CADPS2: variants seen among roughly 807,000 people sequenced by gnomAD.
CADPS2 encodes calcium-dependent secretion activator 2.
A neutral mutation model predicts 172.5 loss-of-function variants in CADPS2; 93 were observed. The ratio of observed to expected loss-of-function variants is 0.54; its 90% confidence interval spans 0.46 to 0.64. CADPS2 has a LOEUF of 0.64. Among genes scored for constraint, CADPS2 ranks in the 30% least tolerant of loss-of-function variants. The probability of loss-of-function intolerance (pLI) is 0.00; values close to 1 mark genes in which losing one functional copy is unlikely to be tolerated. For synonymous variants in CADPS2, 546 were observed against 555.2 expected, an observed-to-expected ratio of 0.98 and a Z score of 0.23; for missense variants, 1,420 against 1,565.9, an observed-to-expected ratio of 0.91 and a Z score of 1.57.
At chr7:122,494,881 G>GTT (rs1029757788) in intron 9 of CADPS2, among the ~76,000 whole-genome samples, 12 of 142,764 alleles carry the variant, frequency 8.4e-5, no homozygotes, top group African/African-American at 2.6e-4. Context: ...TCCCATAAGG[G>GTT]TTTTTTTTTT....
intron 1 of CADPS2, among the ~76,000 whole-genome samples, chr7:122,789,919 C>T (rs1000296208): frequency 1.3e-5 from 2 of 151,898 alleles, no homozygotes; most frequent in Non-Finnish European, 2.9e-5. Flanking sequence ...AATAAAAATA[C>T]CCCTCATCCA....
At chr7:122,681,920 T>A (rs2083091673) in intron 2 of CADPS2, among the ~76,000 whole-genome samples, 1 of 152,074 alleles carries the variant, frequency 6.6e-6, no homozygotes, top group South Asian at 2.1e-4. Flanking sequence ...AAAGCTTTTT[T>A]TTTTGTTTGC....
chr7:122,369,860 T>C (rs1201884133), intron 25 of CADPS2: 1 of 152,228 alleles, frequency 6.6e-6, no homozygotes, highest in Non-Finnish European at 1.5e-5. Flanking sequence ...CCCTCTCCAA[T>C]CTGTTTGCTA....
At chr7:122,337,698 C>A (rs1440798226) in intron 28 of CADPS2, among the ~76,000 whole-genome samples, 2 of 144,624 alleles carry the variant, frequency 1.4e-5, no homozygotes, top group Admixed American at 1.4e-4. Context: ...ATTATTAACT[C>A]AAAGGAACCA....
In CADPS2 at chr7:122,645,296, T is replaced by C. The variant is rs201266932; in HGVS notation, c.787-15968A>G. Among the ~76,000 whole-genome samples, 46 of 136,808 alleles carry C rather than the reference T, an allele frequency of 3.4e-4. 1 individual carries two copies. The highest frequency in any genetic ancestry group is 1.5e-3 in the East Asian group (7 of 4,670). The allele number at this position is 136,808 out of a possible 152,430, so 89.8% of individuals were successfully genotyped here. A position where few individuals can be genotyped will look rare whatever the true frequency, so the allele number is the denominator to read the frequency against. On this transcript the variant is annotated intron_variant, in intron 3 of 29. Transcript: ENST00000449022. ...ATATATACACACATATGTACATATA[T>C]ACACATATGTACATGTGTGTATACA...
intron 2 of CADPS2, among the ~76,000 whole-genome samples, chr7:122,735,582 C>A (rs1278814366): frequency 6.6e-6 from 1 of 151,978 alleles, no homozygotes; most frequent in Non-Finnish European, 1.5e-5. Flanking sequence ...TTTAAAAACT[C>A]ACTTATTTTG....
At chr7:122,477,105 A>G (rs1384168062) in intron 12 of CADPS2, among the ~76,000 whole-genome samples, 4 of 151,144 alleles carry the variant, frequency 2.6e-5, no homozygotes, top group South Asian at 4.2e-4. Context: ...GTAGGTAGAT[A>G]GGCTGTGTTT....
chr7:122,864,370 C>G (rs1432413267), intron 1 of CADPS2, among the ~76,000 whole-genome samples: 1 of 152,044 alleles, frequency 6.6e-6, no homozygotes, highest in Admixed American at 6.6e-5. Context: ...GTTCCAGCTA[C>G]TTGGGAGGCT....
rs71531909 is a variant in CADPS2 at position 122,649,898 on chromosome 7, A to ATT, written c.786+13337_786+13338dup. On this transcript the variant is annotated intron_variant, in intron 3 of 29. Coordinates refer to ENST00000449022, the MANE Select transcript of CADPS2 (RefSeq NM_017954.11). ...TGACATTTTTCTTAAGTATTCAATG[A>ATT]TTTTTTTTTTTTTTTTTTTTTTTTT... 2.8e-3 allele frequency among the ~76,000 whole-genome samples: 146 copies of ATT among 52,012 alleles called. 27 individuals carry two copies. Among genetic ancestry groups the ATT allele is most frequent in the African/African-American group, 7.1e-3 (89 of 12,546 alleles). The allele number at this position is 52,012 out of a possible 152,430, so 34.1% of individuals were successfully genotyped here.
At chr7:122,827,178 A>C (rs1805148627) in intron 1 of CADPS2, among the ~76,000 whole-genome samples, 1 of 152,186 alleles carries the variant, frequency 6.6e-6, no homozygotes, top group African/African-American at 2.4e-5. Flanking sequence ...CAGCTTACAG[A>C]AAAATGTACC....
At chr7:122,467,766 C>A (rs114057613) in intron 14 of CADPS2, among the ~76,000 whole-genome samples, 3 of 152,268 alleles carry the variant, frequency 2.0e-5, no homozygotes, top group African/African-American at 7.2e-5. Flanking sequence ...AAAACCAAGA[C>A]GTATAACCAC....
intron 1 of CADPS2, among the ~76,000 whole-genome samples, chr7:122,747,803 G>A (rs2138249956): frequency 6.6e-6 from 1 of 150,754 alleles, no homozygotes; most frequent in Admixed American, 6.6e-5. Flanking sequence ...CCTTCAAAAC[G>A]CCGTCCCATT....
chr7:122,478,662 C>T (rs1372988819), intron 12 of CADPS2, among the ~76,000 whole-genome samples: 2 of 152,080 alleles, frequency 1.3e-5, no homozygotes, highest in Non-Finnish European at 2.9e-5. Flanking sequence ...ACAGTATCAA[C>T]TTAAATAGGT....
chr7:122,816,740 T>TGAGCCC (rs1036063725), intron 1 of CADPS2, among the ~76,000 whole-genome samples: 2 of 152,200 alleles, frequency 1.3e-5, no homozygotes, highest in African/African-American at 2.4e-5. Flanking sequence ...GTCAGGCCTC[T>TGAGCCC]GAGCCCAAGC....
chr7:122,840,632 A>G (rs1810195638), intron 1 of CADPS2, among the ~76,000 whole-genome samples: 1 of 151,828 alleles, frequency 6.6e-6, no homozygotes, highest in Non-Finnish European at 1.5e-5. Flanking sequence ...TGTAGCCAGG[A>G]GAGGCAGGCA....
intron 27 of CADPS2, among the ~76,000 whole-genome samples, chr7:122,350,415 A>G (rs2038368205): frequency 6.6e-6 from 1 of 152,260 alleles, no homozygotes; most frequent in South Asian, 2.1e-4. Flanking sequence ...GCATTTATCA[A>G]TTTCTGTATT....
At chr7:122,718,661 G>T (rs2159826) in intron 2 of CADPS2, among the ~76,000 whole-genome samples, 1 of 152,048 alleles carries the variant, frequency 6.6e-6, no homozygotes, top group East Asian at 1.9e-4. Context: ...CTGATCAAAT[G>T]GGGCCGTGTT....
chr7:122,509,949 C>T (rs1287228237), intron 9 of CADPS2, among the ~76,000 whole-genome samples: 1 of 152,028 alleles, frequency 6.6e-6, no homozygotes, highest in Admixed American at 6.6e-5. Flanking sequence ...TTATTTACTA[C>T]AGAATATGGA....
At chr7:122,363,575 C>T (rs1041140077) in intron 25 of CADPS2, among the ~76,000 whole-genome samples, 20 of 151,838 alleles carry the variant, frequency 1.3e-4, no homozygotes, top group African/African-American at 4.3e-4. Context: ...AGCTCTGCCG[C>T]TGTCTGGCTA....
Sources: allele counts gnomAD v4.1 joint callset (sites outside exome capture counted in the v4.1 genomes callset), GRCh38; gene constraint gnomAD v4.1.1; transcripts MANE v1.5; gene names NCBI Gene and HGNC (gene_info 2026-07-23, HGNC 2026-07-21).